Variants in AXIN2 observed in about 807,000 individuals in gnomAD.
The protein encoded by AXIN2 is axin 2, also known as axin-2.
In AXIN2, 21 loss-of-function variants were observed where a neutral mutation model predicts 74.7. That is an observed-to-expected ratio of 0.28 (90% confidence interval 0.20 to 0.40). The LOEUF (loss-of-function observed/expected upper bound fraction) is 0.40. Ranked by LOEUF, AXIN2 falls within the 10% of genes least tolerant of loss-of-function variation. The probability of loss-of-function intolerance (pLI) is 1.00; values close to 1 mark genes in which losing one functional copy is unlikely to be tolerated. For synonymous variants in AXIN2, 532 were observed against 454.9 expected (o/e 1.17, Z -2.16); for missense variants, 1,144 against 1,111.1 (o/e 1.03, Z -0.42).
At chr17:65,556,070 A>T (rs2044262432) in intron 2 of AXIN2, among the ~76,000 whole-genome samples, 1 of 152,158 alleles carries the variant, frequency 6.6e-6, no homozygotes, top group Admixed American at 6.5e-5. Flanking sequence ...CAAAAGCTTC[A>T]TGAGTTGCAT....
chr17:65,538,051 C>T, intron 5 of AXIN2, 152 bp downstream of exon 5: 3 of 1,437,136 alleles, frequency 2.1e-6, no homozygotes, highest in African/African-American at 1.4e-5. Context: ...GCACACAGCC[C>T]ACGCCCAGGC....
chr17:65,537,608 C>T lies in AXIN2; in HGVS notation c.1428G>A (p.Gln476=), dbSNP rs1285545891. 3 of 1,601,158 alleles carry T rather than the reference C, an allele frequency of 1.9e-6. No homozygotes were observed. Among genetic ancestry groups the T allele is most frequent in the Non-Finnish European group, 1.7e-6 (2 of 1,175,730 alleles). Residue 476 remains glutamine, a synonymous_variant, in exon 6 of 11, where the codon CAG becomes CAA. Coordinates refer to ENST00000307078, the MANE Select transcript of AXIN2 (RefSeq NM_004655.4). The part of the protein sequence containing the change: ...SPDHHHHHHS[Q]YHSLLPPGGK... ...CACCGGGCGGGAGCAGGGAGTGGTA[C>T]TGCGAATGGTGGTGGTGGTGGTGGT...
rs1567757528 is a variant in AXIN2 at position 65,538,313 on chromosome 17, G to C, written c.1090C>G (p.Pro364Ala). 5 of 1,614,204 alleles carry C rather than the reference G, an allele frequency of 3.1e-6. No homozygotes were observed. Among genetic ancestry groups the C allele is most frequent in the African/African-American group, 1.3e-5 (1 of 75,066 alleles). ...RTHRLPKEMTPVEPATFAAEL... is the reference protein window; with the variant it reads ...RTHRLPKEMTAVEPATFAAEL... ...GCTGCAAAGGTGGCGGGTTCCACGGGGGTCATCTCCTTGGGCAGGCGGTGG... is the reference window on the plus strand; with the variant it reads ...GCTGCAAAGGTGGCGGGTTCCACGGCGGTCATCTCCTTGGGCAGGCGGTGG... The change falls in exon 5 of 11, where the codon CCC (proline) becomes GCC (alanine). Residue 364 changes from proline to alanine, a missense_variant. Around this residue, in one of 4 missense-constraint regions of AXIN2, gnomAD observed 1,053 missense variants for 973.5 expected, o/e 1.08. Coordinates refer to ENST00000307078, the MANE Select transcript of AXIN2 (RefSeq NM_004655.4).
At position 65,558,590 on chromosome 17, in the gene AXIN2, G is replaced by A. The variant is rs2044312270; in HGVS notation, c.31C>T (p.Pro11Ser). The A allele has an allele frequency of 6.2e-7, 1 of 1,610,082 alleles. No homozygotes were observed. The highest frequency in any genetic ancestry group is 8.5e-7 in the Non-Finnish European group (1 of 1,179,972). ...TCACGGAAGCTGCTGCTGGGGTCCG[G>A]GAGGCAAGTCACCAACATAGCGCTA... MSSAMLVTCL[P>S]DPSSSFREDA... The change falls in exon 2 of 11, where the codon CCG becomes TCG. Residue 11 changes from proline (P) to serine (S), a missense_variant. This residue lies in a region of AXIN2 where 23 missense variants were observed against 20.8 expected (regional missense o/e 1.11). Coordinates refer to ENST00000307078, the MANE Select transcript of AXIN2 (RefSeq NM_004655.4).
chr17:65,531,075 A>G (rs745626963), intron 10 of AXIN2, among the ~76,000 whole-genome samples: 1 of 151,952 alleles, frequency 6.6e-6, no homozygotes, highest in Non-Finnish European at 1.5e-5. Flanking sequence ...GCAAGCTGTC[A>G]TTTCCAGCCC....
chr17:65,538,286 C>T lies in AXIN2; in HGVS notation c.1117G>A (p.Glu373Lys). The T allele has an allele frequency of 6.2e-7, 1 of 1,614,212 alleles. No individual in the cohort carries two copies. The highest frequency in any genetic ancestry group is 2.2e-5 in the East Asian group (1 of 44,858). ...AGCTTTTCCAGCCTCGAGATCAGCT[C>T]AGCTGCAAAGGTGGCGGGTTCCACG... ...TPVEPATFAA[E>K]LISRLEKLKL... Residue 373 changes from glutamate to lysine, a missense_variant, in exon 5 of 11, where the codon GAG becomes AAG. By Grantham distance (56) the Glu-to-Lys change is moderately conservative (BLOSUM62 1). Around this residue, in one of 4 missense-constraint regions of AXIN2, gnomAD observed 1,053 missense variants for 973.5 expected, o/e 1.08. Transcript: ENST00000307078.
At chr17:65,534,866 G>A (rs1296635302) in intron 9 of AXIN2, among the ~76,000 whole-genome samples, 2 of 152,106 alleles carry the variant, frequency 1.3e-5, no homozygotes, top group Non-Finnish European at 2.9e-5. Context: ...GGAGGCGGAG[G>A]CTGCAGTGGG....
intron 2 of AXIN2, among the ~76,000 whole-genome samples, chr17:65,555,843 A>T (rs993870946): frequency 6.6e-6 from 1 of 152,070 alleles, no homozygotes; most frequent in African/African-American, 2.4e-5. Context: ...TATGTCTTAA[A>T]TTCTCTTTAA....
intron 2 of AXIN2, 135 bp from the exon 3 acceptor site, chr17:65,549,795 C>G: frequency 8.5e-7 from 1 of 1,176,406 alleles, no homozygotes; most frequent in Non-Finnish European, 1.2e-6. Flanking sequence ...TCCAGTTGCT[C>G]ACCTGGGCAG....
At chr17:65,535,565 C>T (rs1310687023) in intron 9 of AXIN2, 61 bp downstream of exon 9, 7 of 1,518,776 alleles carry the variant, frequency 4.6e-6, no homozygotes, top group South Asian at 3.4e-5. Flanking sequence ...CTCCAGATAG[C>T]GAATATTCTG....
chr17:65,535,208 T>C (rs1285317257), intron 9 of AXIN2, among the ~76,000 whole-genome samples: 1 of 152,304 alleles, frequency 6.6e-6, no homozygotes. Flanking sequence ...ACTGCCCAAT[T>C]TGGGGGAAGA....
At position 65,558,484 on chromosome 17, in the gene AXIN2, G is replaced by A. The variant is rs2044309413; in HGVS notation, c.137C>T (p.Thr46Ile). Residue 46 changes from threonine (T) to isoleucine (I), a missense_variant, in exon 2 of 11, where the codon ACC (threonine) becomes ATC (isoleucine). Physicochemically the swap from Thr to Ile is moderately conservative, Grantham distance 89. Transcript: ENST00000307078. Reference sequence around the variant, plus strand: ...GTTGGAAGAGACAGGCATGGGTTTGGTGACCTGGCCCTTGCCCACCCCTGG... The same window carrying A: ...GTTGGAAGAGACAGGCATGGGTTTGATGACCTGGCCCTTGCCCACCCCTGG... ...CQPGVGKGQV[T>I]KPMPVSSNTR... 1 of 1,609,330 alleles carries A rather than the reference G, an allele frequency of 6.2e-7. No homozygotes were observed. Among genetic ancestry groups the A allele is most frequent in the Non-Finnish European group, 8.5e-7 (1 of 1,176,878 alleles).
intron 2 of AXIN2, among the ~76,000 whole-genome samples, chr17:65,551,075 C>T (rs529601234): frequency 6.6e-6 from 1 of 152,274 alleles, no homozygotes; most frequent in East Asian, 1.9e-4. Flanking sequence ...AGACTAGACT[C>T]AACATGTTTC....
At chr17:65,537,242 G>A in intron 6 of AXIN2, 82 bp downstream of exon 6, 3 of 1,594,514 alleles carry the variant, frequency 1.9e-6, no homozygotes, top group Non-Finnish European at 2.6e-6. Flanking sequence ...TGCCTGTAAT[G>A]CGGCTCCCAC....
chr17:65,536,366 C>T lies in AXIN2; in HGVS notation c.2095G>A (p.Glu699Lys), dbSNP rs1567754013. Residue 699 changes from glutamate to lysine, a missense_variant, in exon 8 of 11, where the codon GAG (glutamate) becomes AAG (lysine). Transcript: ENST00000307078. ...ACCTCAGCTAGCCTGCGACAGGCCT[C>T]CTCCAGCTGAGCCAGCGTGTTGGGT... ...TPPNTLAQLE[E>K]ACRRLAEVSK... 1 of 1,613,630 alleles carries T rather than the reference C, an allele frequency of 6.2e-7. No homozygotes were observed. The highest frequency in any genetic ancestry group is 8.5e-7 in the Non-Finnish European group (1 of 1,179,996).
rs1338435776 is a variant in AXIN2, at chr17:65,528,980, G to A, written c.*996C>T. 7.4e-6 allele frequency: 2 copies of A among 271,634 alleles called. No individual in the cohort carries two copies. Among genetic ancestry groups the A allele is most frequent in the African/African-American group, 2.2e-5 (1 of 45,642 alleles). The allele number at this position is 271,634 out of a possible 1,614,324, so 16.8% of individuals were successfully genotyped here. A position where few individuals can be genotyped will look rare whatever the true frequency, so the allele number is the denominator to read the frequency against. The stretch of plus-strand genomic sequence containing the variant: ...AACCCGAACATCAAAATGAAGGTGT[G>A]TGGAGGAAAGGTGCTGCTGGGTCTC... On this transcript the variant is annotated 3_prime_UTR_variant, in exon 11 of 11. Transcript: ENST00000307078.
Position 65,558,477 on chromosome 17 carries a change from G to A in AXIN2, c.144C>T (p.Pro48=), listed in dbSNP as rs144099816. 5.8e-5 allele frequency: 93 copies of A among 1,607,598 alleles called. No homozygotes were observed. The highest frequency in any genetic ancestry group is 7.7e-5 in the Non-Finnish European group (91 of 1,175,734). Residue 48 remains proline (P), a synonymous_variant, in exon 2 of 11, where the codon CCC becomes CCT. Coordinates refer to ENST00000307078, the MANE Select transcript of AXIN2 (RefSeq NM_004655.4). ...GCCTGGTGTTGGAAGAGACAGGCATGGGTTTGGTGACCTGGCCCTTGCCCA... is the reference window on the plus strand; with the variant it reads ...GCCTGGTGTTGGAAGAGACAGGCATAGGTTTGGTGACCTGGCCCTTGCCCA... ...PGVGKGQVTK[P]MPVSSNTRRN...
intron 2 of AXIN2, among the ~76,000 whole-genome samples, chr17:65,553,068 C>T (rs113622818): frequency 0.029 from 4,376 of 152,184 alleles, 218 homozygotes; most frequent in African/African-American, 0.1. Context: ...AGAGAGCTCC[C>T]ATTTTCTCAA....
chr17:65,553,738 G>C (rs887288076), intron 2 of AXIN2, among the ~76,000 whole-genome samples: 2 of 151,842 alleles, frequency 1.3e-5, no homozygotes, highest in African/African-American at 4.8e-5. Flanking sequence ...AGGGTTGTGG[G>C]GAGAGGCAGA....
Sources: gnomAD v4.1 joint callset for allele counts (sites outside exome capture counted in the v4.1 genomes callset) on GRCh38, gnomAD v4.1.1 for gene constraint, gnomAD v4.1.1 regional missense constraint, MANE v1.5 for transcripts, NCBI Gene and HGNC (gene_info 2026-07-23, HGNC 2026-07-21) for gene names.